TMEM161B: variants seen among roughly 807,000 people sequenced by gnomAD.
The protein encoded by TMEM161B is transmembrane protein 161B.
TMEM161B carries 34 observed loss-of-function variants against 61.8 expected under a neutral mutation model. That is an observed-to-expected ratio of 0.55 (90% CI 0.42 to 0.73). The LOEUF is 0.73. Among genes scored for constraint, TMEM161B ranks in the 30% least tolerant of loss-of-function variants. The pLI, the probability that TMEM161B is intolerant of heterozygous loss-of-function variation, is 0.00. For missense variants in TMEM161B, 456 were observed against 558.5 expected, an observed-to-expected ratio of 0.82 and a Z score of 1.85; for synonymous variants, 167 against 192.8, an observed-to-expected ratio of 0.87 and a Z score of 1.11.
intron 4 of TMEM161B, among the ~76,000 whole-genome samples, chr5:88,223,196 G>A (rs1580498608): frequency 6.7e-6 from 1 of 148,200 alleles, no homozygotes; most frequent in African/African-American, 2.5e-5. Flanking sequence ...CATTCAGTGT[G>A]TAACCCTGTC....
downstream of TMEM161B, chr5:88,190,231 G>A (rs1253657933): frequency 1.6e-5 from 11 of 700,972 alleles, no homozygotes; most frequent in African/African-American, 1.0e-4. Context: ...TGCATGCCGG[G>A]TGGAACGGCT....
At chr5:88,238,168 TAACTTA>T (rs951947764) in intron 2 of TMEM161B, among the ~76,000 whole-genome samples, 3 of 152,118 alleles carry the variant, frequency 2.0e-5, no homozygotes, top group African/African-American at 7.2e-5. Flanking sequence ...TGTATGTTTT[TAACTTA>T]AACTTGTATT....
chr5:88,261,050 T>C (rs563573306), intron 1 of TMEM161B, among the ~76,000 whole-genome samples: 4 of 152,160 alleles, frequency 2.6e-5, no homozygotes, highest in African/African-American at 9.7e-5. Flanking sequence ...AGGTGGCATA[T>C]CCTGGAACCA....
chr5:88,221,757 C>T, intron 4 of TMEM161B: 3 of 455,984 alleles, frequency 6.6e-6, no homozygotes, highest in Non-Finnish European at 1.3e-5. Flanking sequence ...TTTTAGAAGG[C>T]CTCCTAAAAA....
chr5:88,256,288 A>G (rs1223932109), intron 1 of TMEM161B, among the ~76,000 whole-genome samples: 1 of 152,212 alleles, frequency 6.6e-6, no homozygotes, highest in Non-Finnish European at 1.5e-5. Flanking sequence ...ATTCTTAAAC[A>G]TATTAACAAG....
intron 2 of TMEM161B, among the ~76,000 whole-genome samples, chr5:88,237,730 A>T (rs1000885175): frequency 2.6e-5 from 4 of 151,212 alleles, no homozygotes; most frequent in South Asian, 2.1e-4. Context: ...AGTTTCTTTT[A>T]AAAAAAAAGT....
intron 2 of TMEM161B, among the ~76,000 whole-genome samples, chr5:88,237,980 G>C (rs1402088223): frequency 6.6e-6 from 1 of 151,922 alleles, no homozygotes; most frequent in Non-Finnish European, 1.5e-5. Context: ...GGGTAGGTGG[G>C]GGACCATCCA....
Position 88,196,183 on chromosome 5 carries a change from T to C in TMEM161B, c.*28A>G. On this transcript the variant is annotated 3_prime_UTR_variant, in exon 12 of 12. Coordinates refer to ENST00000296595, the MANE Select transcript of TMEM161B (RefSeq NM_153354.5). ...CAGATATTTTAATTTAAAGGGTGAT[T>C]TGGATATGCTTTTTTGTTAACTGAG... is the stretch of plus-strand genomic sequence containing the variant. 6.3e-7 allele frequency: 1 copy of C among 1,575,410 alleles called. No homozygotes were observed. The highest frequency in any genetic ancestry group is 8.6e-7 in the Non-Finnish European group (1 of 1,164,386).
chr5:88,245,487 A>C (rs1753471195), intron 1 of TMEM161B, among the ~76,000 whole-genome samples: 1 of 151,956 alleles, frequency 6.6e-6, no homozygotes, highest in South Asian at 2.1e-4. Flanking sequence ...TTTTGTAAAC[A>C]ATGGCAACAT....
chr5:88,233,163 A>C (rs534868212), intron 2 of TMEM161B, among the ~76,000 whole-genome samples: 1 of 152,332 alleles, frequency 6.6e-6, no homozygotes, highest in Non-Finnish European at 1.5e-5. Flanking sequence ...AACCAATTAA[A>C]GCCAAAGCCT....
chr5:88,259,441 G>C (rs775227251), intron 1 of TMEM161B: 1 of 152,198 alleles, frequency 6.6e-6, no homozygotes, highest in Non-Finnish European at 1.5e-5. Context: ...TGGGATAACC[G>C]TGAGATAGGC....
At chr5:88,225,140 T>G (rs778152758) in intron 4 of TMEM161B, among the ~76,000 whole-genome samples, 1 of 151,982 alleles carries the variant, frequency 6.6e-6, no homozygotes, top group South Asian at 2.1e-4. Context: ...GCTAATTTTT[T>G]GTATTTTTAG....
chr5:88,231,536 G>A (rs1006762822), intron 2 of TMEM161B, among the ~76,000 whole-genome samples: 4 of 152,208 alleles, frequency 2.6e-5, no homozygotes, highest in African/African-American at 9.6e-5. Flanking sequence ...TTCAAAGTTA[G>A]TACAGTTACT....
chr5:88,187,411 G>A, downstream of TMEM161B, among the ~76,000 whole-genome samples: 1 of 144,504 alleles, frequency 6.9e-6, no homozygotes, highest in East Asian at 1.9e-4. Flanking sequence ...TAACATTTGT[G>A]TTAATTTATA....
At chr5:88,241,707 CTTAGT>C (rs1752765417) in intron 1 of TMEM161B, among the ~76,000 whole-genome samples, 1 of 151,770 alleles carries the variant, frequency 6.6e-6, no homozygotes, top group Admixed American at 6.6e-5. Context: ...CAACAATCCT[CTTAGT>C]TTACTCTCAT....
At chr5:88,221,754 A>C (rs1465437917) in intron 4 of TMEM161B, 1 of 456,202 alleles carries the variant, frequency 2.2e-6, no homozygotes, top group South Asian at 1.5e-5. Context: ...ATTTTTTAGA[A>C]GGCCTCCTAA....
chr5:88,204,322 A>C (rs1446886124), intron 8 of TMEM161B, among the ~76,000 whole-genome samples: 2 of 152,152 alleles, frequency 1.3e-5, no homozygotes, highest in Non-Finnish European at 2.9e-5. Flanking sequence ...CTGAAAATAA[A>C]ATAAAACCCC....
At chr5:88,204,965 T>TTCTTTAGGACATTCCTAGGTAATC (rs1745174936) in intron 8 of TMEM161B, among the ~76,000 whole-genome samples, 1 of 152,066 alleles carries the variant, frequency 6.6e-6, no homozygotes, top group Non-Finnish European at 1.5e-5. Context: ...AATAGAAATG[T>TTCTTTAGGACATTCCTAGGTAATC]TAGGAAATAA....
intron 2 of TMEM161B, among the ~76,000 whole-genome samples, chr5:88,230,037 A>T (rs558610979): frequency 4.6e-5 from 7 of 152,094 alleles, no homozygotes; most frequent in African/African-American, 9.6e-5. Context: ...ACAAAAAATT[A>T]AAAAACTAGC....
Sources: allele counts gnomAD v4.1 joint callset (sites outside exome capture counted in the v4.1 genomes callset), GRCh38; gene constraint gnomAD v4.1.1; transcripts MANE v1.5; gene names NCBI Gene and HGNC (gene_info 2026-07-23, HGNC 2026-07-21).